ZNF385B: variants seen among roughly 807,000 people sequenced by gnomAD.
ZNF385B encodes zinc finger protein 385B.
A neutral mutation model predicts 39.2 loss-of-function variants in ZNF385B; 23 were observed. That is an observed-to-expected ratio of 0.59 (90% CI 0.42 to 0.83). The LOEUF (loss-of-function observed/expected upper bound fraction) is 0.83. Among genes scored for constraint, ZNF385B ranks in the 40% least tolerant of loss-of-function variants. The pLI is 0.00. For synonymous variants in ZNF385B, 205 were observed against 222.6 expected (o/e 0.92, Z 0.70); for missense variants, 552 against 598.9 (o/e 0.92, Z 0.82).
At chr2:179,755,231 G>A (rs529223816) in intron 3 of ZNF385B, among the ~76,000 whole-genome samples, 210 of 152,336 alleles carry the variant, frequency 1.4e-3, no homozygotes, top group African/African-American at 4.8e-3. Context: ...TTTCCATGTA[G>A]TTGAGTAGTT....
intron 6 of ZNF385B, among the ~76,000 whole-genome samples, chr2:179,482,955 ATCCATT>A (rs1434543725): frequency 6.6e-6 from 1 of 151,830 alleles, no homozygotes; most frequent in Admixed American, 6.6e-5. Context: ...AGTATTTTAG[ATCCATT>A]TCCTGATTTT....
At chr2:179,468,722 C>T (rs181672805) in intron 6 of ZNF385B, among the ~76,000 whole-genome samples, 1,979 of 152,186 alleles carry the variant, frequency 0.013, 19 homozygotes, top group Non-Finnish European at 0.018. Context: ...ATGAGGTGGA[C>T]ACTGGCAATG....
intron 4 of ZNF385B, among the ~76,000 whole-genome samples, chr2:179,527,104 G>A (rs575963589): frequency 6.6e-6 from 1 of 152,334 alleles, no homozygotes; most frequent in South Asian, 2.1e-4. Context: ...TTATCAAAAT[G>A]TTGCAGGCTT....
chr2:179,753,856 G>T (rs1473276956), intron 3 of ZNF385B, among the ~76,000 whole-genome samples: 2 of 152,138 alleles, frequency 1.3e-5, no homozygotes, highest in Non-Finnish European at 2.9e-5. Context: ...GTTTTCTAAA[G>T]ACACAATCAT....
intron 3 of ZNF385B, among the ~76,000 whole-genome samples, chr2:179,669,557 C>G (rs1292345508): frequency 2.6e-5 from 4 of 152,144 alleles, no homozygotes; most frequent in Non-Finnish European, 5.9e-5. Flanking sequence ...CTCTAGGTAT[C>G]TTGACTTTTT....
intron 3 of ZNF385B, among the ~76,000 whole-genome samples, chr2:179,569,299 C>G (rs752690792): frequency 4.6e-5 from 7 of 152,182 alleles, no homozygotes; most frequent in Non-Finnish European, 1.0e-4. Context: ...CCATAGCATA[C>G]AAGAAAAATT....
chr2:179,481,481 A>C (rs954833971), intron 6 of ZNF385B, among the ~76,000 whole-genome samples: 4 of 148,856 alleles, frequency 2.7e-5, no homozygotes, highest in African/African-American at 5.0e-5. Context: ...TGATTGTTCC[A>C]TCTCTATTTC....
In ZNF385B at chr2:179,786,349, A is replaced by C. The variant is rs73973733; in HGVS notation, c.-154-15677T>G. Among the ~76,000 whole-genome samples, 853 of 152,252 alleles carry C rather than the reference A, an allele frequency of 5.6e-3. 4 individuals carry two copies. Among genetic ancestry groups the C allele is most frequent in the African/African-American group, 8.6e-3 (357 of 41,556 alleles). On this transcript the variant is annotated intron_variant, in intron 1 of 9. Transcript: ENST00000410066. ...TAGAGTATATTTGTCTAGTTTTATA[A>C]ATGTAATTATATATTTACAAAAATC... is the stretch of plus-strand genomic sequence containing the variant.
intron 3 of ZNF385B, among the ~76,000 whole-genome samples, chr2:179,684,400 A>T (rs1650145815): frequency 6.6e-6 from 1 of 152,246 alleles, no homozygotes; most frequent in South Asian, 2.1e-4. Context: ...TAAAGAAAAC[A>T]AGAAAGCCTT....
At chr2:179,717,014 T>C (rs1018688000) in intron 3 of ZNF385B, among the ~76,000 whole-genome samples, 2 of 152,168 alleles carry the variant, frequency 1.3e-5, no homozygotes, top group African/African-American at 4.8e-5. Context: ...AACCCACAGA[T>C]ACTCTGAGAT....
At chr2:179,808,027 T>TTTTG (rs147482504) in intron 1 of ZNF385B, among the ~76,000 whole-genome samples, 30 of 151,394 alleles carry the variant, frequency 2.0e-4, no homozygotes, top group South Asian at 1.0e-3. Context: ...ATATAATTCT[T>TTTTG]TTTGTTTGTT....
chr2:179,804,003 G>A (rs1286941259), intron 1 of ZNF385B, among the ~76,000 whole-genome samples: 4 of 152,296 alleles, frequency 2.6e-5, no homozygotes, highest in South Asian at 4.1e-4. Context: ...AAGATCGGAA[G>A]GTCATTTGGG....
At chr2:179,603,062 G>A (rs532335813) in intron 3 of ZNF385B, among the ~76,000 whole-genome samples, 1 of 152,148 alleles carries the variant, frequency 6.6e-6, no homozygotes, top group African/African-American at 2.4e-5. Flanking sequence ...CTTCCTCATC[G>A]ATTTGGATTT....
intron 3 of ZNF385B, among the ~76,000 whole-genome samples, chr2:179,663,664 C>A (rs942370112): frequency 7.5e-6 from 1 of 132,568 alleles, no homozygotes; most frequent in Admixed American, 8.2e-5. Flanking sequence ...GAGCCGAGAT[C>A]GCGCCGCTGC....
intron 3 of ZNF385B, among the ~76,000 whole-genome samples, chr2:179,609,262 C>G (rs370916399): frequency 3.3e-5 from 5 of 152,108 alleles, no homozygotes; most frequent in African/African-American, 9.7e-5. Flanking sequence ...TCATTCTACT[C>G]TCTGTCTCCA....
chr2:179,666,409 A>G (rs1380870226), intron 3 of ZNF385B, among the ~76,000 whole-genome samples: 1 of 152,220 alleles, frequency 6.6e-6, no homozygotes, highest in East Asian at 1.9e-4. Context: ...TTTCCAAGAT[A>G]ATTCACACAT....
At chr2:179,468,010 T>C (rs2052278549) in intron 6 of ZNF385B, among the ~76,000 whole-genome samples, 1 of 152,176 alleles carries the variant, frequency 6.6e-6, no homozygotes, top group Non-Finnish European at 1.5e-5. Flanking sequence ...TTCTGGCCAT[T>C]GGTTCATGGC....
At chr2:179,499,245 G>A (rs947693997) in intron 5 of ZNF385B, among the ~76,000 whole-genome samples, 1 of 151,858 alleles carries the variant, frequency 6.6e-6, no homozygotes, top group African/African-American at 2.4e-5. Flanking sequence ...AACATTGAAA[G>A]AACTAATATT....
chr2:179,766,030 T>TCTCTCACA (rs1553527783), intron 3 of ZNF385B, among the ~76,000 whole-genome samples: 1 of 140,832 alleles, frequency 7.1e-6, no homozygotes, highest in African/African-American at 2.7e-5. Context: ...GGTACATTGA[T>TCTCTCACA]CACACACACA....
Sources: gnomAD v4.1 joint callset for allele counts (sites outside exome capture counted in the v4.1 genomes callset) on GRCh38, gnomAD v4.1.1 for gene constraint, MANE v1.5 for transcripts, NCBI Gene and HGNC (gene_info 2026-07-23, HGNC 2026-07-21) for gene names.